Variants in SHANK2 observed in about 807,000 individuals in gnomAD.
SHANK2 encodes the protein SH3 and multiple ankyrin repeat domains 2.
A neutral mutation model predicts 133.7 loss-of-function variants in SHANK2; 43 were observed. The observed-to-expected ratio is 0.32, with a 90% CI of 0.25 to 0.41. SHANK2 has a LOEUF of 0.41. SHANK2 is among the 10% of genes least tolerant of loss of function. The pLI, the probability that SHANK2 is intolerant of heterozygous loss-of-function variation, is 1.00. For synonymous variants in SHANK2, 1,017 were observed against 952.8 expected (o/e 1.07, Z -1.24); for missense variants, 1,994 against 2,235.8 (o/e 0.89, Z 2.18).
At chr11:70,602,833 G>A (rs1237732141) in intron 17 of SHANK2, among the ~76,000 whole-genome samples, 1 of 152,156 alleles carries the variant, frequency 6.6e-6, no homozygotes, top group South Asian at 2.1e-4. Flanking sequence ...CATGCATGAT[G>A]TATGTTTATT....
chr11:70,506,630 G>C (rs1276678151), intron 17 of SHANK2, among the ~76,000 whole-genome samples: 1 of 152,174 alleles, frequency 6.6e-6, no homozygotes, highest in Admixed American at 6.5e-5. Context: ...TCCAAACAAA[G>C]TTGCTTTGGA....
At chr11:71,085,618 AT>A (rs1951374982) in intron 8 of SHANK2, among the ~76,000 whole-genome samples, 3,493 of 78,442 alleles carry the variant, frequency 0.045, 107 homozygotes, top group East Asian at 0.11. Context: ...TATATATTAT[AT>A]TATATATTAT....
chr11:71,128,619 C>A (rs1565467236), intron 3 of SHANK2, among the ~76,000 whole-genome samples: 1 of 152,166 alleles, frequency 6.6e-6, no homozygotes, highest in Non-Finnish European at 1.5e-5. Flanking sequence ...TACCACAAAG[C>A]CCCTCAGCCA....
intron 17 of SHANK2, among the ~76,000 whole-genome samples, chr11:70,562,475 T>C (rs2059917993): frequency 6.6e-6 from 1 of 152,224 alleles, no homozygotes; most frequent in Non-Finnish European, 1.5e-5. Flanking sequence ...GTTTAGTGTT[T>C]TTAATGTCCT....
At chr11:70,636,610 T>C (rs954544066) in intron 17 of SHANK2, among the ~76,000 whole-genome samples, 1 of 151,992 alleles carries the variant, frequency 6.6e-6, no homozygotes, top group Non-Finnish European at 1.5e-5. Context: ...TGAGTGTGTG[T>C]ATGCGAGCAT....
intron 1 of SHANK2, among the ~76,000 whole-genome samples, chr11:71,237,008 A>G (rs1555123798): frequency 6.6e-6 from 1 of 152,224 alleles, no homozygotes; most frequent in Non-Finnish European, 1.5e-5. Flanking sequence ...TAATGGCTCC[A>G]ATCAGTCATA....
intron 13 of SHANK2, among the ~76,000 whole-genome samples, chr11:70,802,918 G>T (rs572184204): frequency 6.6e-6 from 1 of 152,298 alleles, no homozygotes; most frequent in South Asian, 2.1e-4. Context: ...GGGGTTCACT[G>T]TGTGTCTGTT....
chr11:70,933,050 A>G (rs1555082780), intron 10 of SHANK2: 1 of 443,012 alleles, frequency 2.3e-6, no homozygotes, highest in Non-Finnish European at 4.6e-6. Flanking sequence ...AGACTCCAAC[A>G]GGTATTTGCA....
intron 3 of SHANK2, among the ~76,000 whole-genome samples, chr11:71,138,612 T>G (rs1590948893): frequency 1.3e-5 from 2 of 149,358 alleles, no homozygotes; most frequent in African/African-American, 2.5e-5. Flanking sequence ...AGCCCAGGAG[T>G]TCGAAACCTC....
At chr11:70,791,327 G>T (rs549539734) in intron 14 of SHANK2, among the ~76,000 whole-genome samples, 111 of 152,200 alleles carry the variant, frequency 7.3e-4, no homozygotes, top group Non-Finnish European at 1.4e-3. Context: ...AGCAGGATGG[G>T]GTGAGGACAT....
intron 2 of SHANK2, among the ~76,000 whole-genome samples, chr11:71,194,061 A>T (rs1289375169): frequency 6.6e-6 from 1 of 152,178 alleles, no homozygotes; most frequent in Non-Finnish European, 1.5e-5. Context: ...CAAGAGCAAG[A>T]TCGTTCCCAT....
chr11:70,485,879 G>A lies in SHANK2; in HGVS notation c.4414C>T (p.Leu1472=). Residue 1472 remains leucine, a synonymous_variant, in exon 25 of 26, where the codon CTG becomes TTG. Transcript: ENST00000601538. The surrounding 1 kb of genome is among the most constrained non-coding windows in gnomAD (Gnocchi z 5.8). ...GGGGGTGGCAGGAATGAGGCAGGCA[G>A]ACAGTTTGAAAGACTGGCTGGCTTC... ...SKKPASLSNC[L]PASFLPPPES... 1 of 1,614,154 alleles carries A rather than the reference G, an allele frequency of 6.2e-7. No homozygotes were observed. The highest frequency in any genetic ancestry group is 1.1e-5 in the South Asian group (1 of 91,074).
chr11:70,586,036 T>G (rs1192056353), intron 17 of SHANK2, among the ~76,000 whole-genome samples: 1 of 152,156 alleles, frequency 6.6e-6, no homozygotes, highest in Non-Finnish European at 1.5e-5. Flanking sequence ...CCTGACCTTG[T>G]GGAGTTTGCA....
chr11:71,220,118 A>C (rs1341978753), intron 2 of SHANK2, among the ~76,000 whole-genome samples: 1 of 151,964 alleles, frequency 6.6e-6, no homozygotes, highest in African/African-American at 2.4e-5. Flanking sequence ...TGTGGTCCCA[A>C]CTACTCAGGA....
chr11:71,147,230 T>G lies in SHANK2; in HGVS notation c.97A>C (p.Ile33Leu), dbSNP rs1555106895. 1 of 1,550,916 alleles carries G rather than the reference T, an allele frequency of 6.4e-7. No individual in the cohort carries two copies. The highest frequency in any genetic ancestry group is 1.2e-5 in the South Asian group (1 of 84,058). Residue 33 changes from isoleucine (I) to leucine (L), a missense_variant, in exon 3 of 26, where the codon ATC becomes CTC. Physicochemically the swap from Ile to Leu is conservative, Grantham distance 5. Transcript: ENST00000601538. ...GCAGTGGCCCGGATCGTGTCATAGA[T>G]GGTCTCTTCTTTGGAGCTGTCTGAC... is the stretch of plus-strand genomic sequence containing the variant. Reference protein sequence around the residue: ...SESDSSKEETIYDTIRATAEK... With the variant: ...SESDSSKEETLYDTIRATAEK...
At chr11:71,137,300 A>T (rs1312500246) in intron 3 of SHANK2, among the ~76,000 whole-genome samples, 1 of 10,750 alleles carries the variant, frequency 9.3e-5, no homozygotes, top group Non-Finnish European at 1.9e-4. Flanking sequence ...ATCCTTACTT[A>T]AAAAAAAAAA....
chr11:71,081,162 G>A (rs948529555), intron 8 of SHANK2, among the ~76,000 whole-genome samples: 5 of 152,200 alleles, frequency 3.3e-5, no homozygotes, highest in African/African-American at 9.6e-5. Flanking sequence ...GGACGACCCT[G>A]TGAAGATGCA....
chr11:71,143,638 G>A (rs1565476286), intron 3 of SHANK2, among the ~76,000 whole-genome samples: 1 of 152,302 alleles, frequency 6.6e-6, no homozygotes, highest in East Asian at 1.9e-4. Context: ...AGGCAAGAAG[G>A]TTGTGATGAG....
chr11:71,238,752 T>G (rs1555124028), intron 1 of SHANK2, among the ~76,000 whole-genome samples: 1 of 152,210 alleles, frequency 6.6e-6, no homozygotes, highest in East Asian at 1.9e-4. Context: ...CAGAGCTTGC[T>G]CGAGTCAATC....
Sources: allele counts gnomAD v4.1 joint callset (sites outside exome capture counted in the v4.1 genomes callset), GRCh38; gene constraint gnomAD v4.1.1; non-coding constraint Gnocchi (gnomAD v3.1); transcripts MANE v1.5; gene names NCBI Gene and HGNC (gene_info 2026-07-23, HGNC 2026-07-21).